PDGFC: variants seen among roughly 807,000 people sequenced by gnomAD.
The protein encoded by PDGFC is platelet derived growth factor C.
PDGFC carries 12 observed loss-of-function variants against 35.5 expected under a neutral mutation model. The ratio of observed to expected loss-of-function variants is 0.34; its 90% CI spans 0.22 to 0.55. The LOEUF (loss-of-function observed/expected upper bound fraction) is 0.55. Ranked by LOEUF, PDGFC falls within the 20% of genes least tolerant of loss-of-function variation. The pLI is 0.91. For synonymous variants in PDGFC, 159 were observed against 148.8 expected (o/e 1.07, Z -0.50); for missense variants, 322 against 412.4 (o/e 0.78, Z 1.90).
chr4:156,930,191 C>T (rs2110873349), intron 1 of PDGFC, among the ~76,000 whole-genome samples: 1 of 152,220 alleles, frequency 6.6e-6, no homozygotes, highest in South Asian at 2.1e-4. Context: ...GATTTTTGTT[C>T]AAAAGTAGAT....
intron 1 of PDGFC, among the ~76,000 whole-genome samples, chr4:156,928,364 T>A (rs2110867308): frequency 6.6e-6 from 1 of 152,298 alleles, no homozygotes; most frequent in Non-Finnish European, 1.5e-5. Flanking sequence ...TAGCTGGAAC[T>A]GCAGCTCTAC....
chr4:156,766,430 C>T (rs577730200), intron 5 of PDGFC, among the ~76,000 whole-genome samples: 3 of 152,186 alleles, frequency 2.0e-5, no homozygotes, highest in East Asian at 3.9e-4. Flanking sequence ...CATTATCATG[C>T]TTCAGTATCT....
intron 1 of PDGFC, among the ~76,000 whole-genome samples, chr4:156,858,539 A>T (rs1334012013): frequency 1.3e-5 from 2 of 152,064 alleles, no homozygotes; most frequent in Admixed American, 6.6e-5. Flanking sequence ...TTGTACATTA[A>T]AGAGACCAAA....
chr4:156,918,607 C>A (rs188303347), intron 1 of PDGFC, among the ~76,000 whole-genome samples: 2 of 152,212 alleles, frequency 1.3e-5, no homozygotes, highest in East Asian at 3.9e-4. Flanking sequence ...GGAACACGGA[C>A]CCTATTGTAA....
intron 1 of PDGFC, among the ~76,000 whole-genome samples, chr4:156,936,201 T>C (rs115132031): frequency 2.1e-4 from 32 of 152,310 alleles, no homozygotes; most frequent in Non-Finnish European, 3.7e-4. Context: ...AACGTCGTAA[T>C]AGAATGAGTT....
chr4:156,829,516 C>G (rs1184740909), intron 2 of PDGFC, among the ~76,000 whole-genome samples: 1 of 152,074 alleles, frequency 6.6e-6, no homozygotes. Flanking sequence ...TTCTTTTTCT[C>G]ACTTTAAAAT....
chr4:156,875,902 G>A (rs143596043), intron 1 of PDGFC, among the ~76,000 whole-genome samples: 62 of 152,156 alleles, frequency 4.1e-4, no homozygotes. Context: ...AAGTGATTTC[G>A]CACAGAAAAC....
chr4:156,837,715 A>G (rs1205709703), intron 2 of PDGFC, among the ~76,000 whole-genome samples: 1 of 152,188 alleles, frequency 6.6e-6, no homozygotes, highest in Non-Finnish European at 1.5e-5. Flanking sequence ...CTAGAGAAAG[A>G]AAGCTAGAGA....
At chr4:156,871,737 A>C (rs1425865926) in intron 1 of PDGFC, among the ~76,000 whole-genome samples, 2 of 152,120 alleles carry the variant, frequency 1.3e-5, no homozygotes, top group Non-Finnish European at 2.9e-5. Flanking sequence ...CTATTTTAAA[A>C]ACATTATTCC....
intron 2 of PDGFC, among the ~76,000 whole-genome samples, chr4:156,847,504 C>T (rs80218134): frequency 0.06 from 9,042 of 151,768 alleles, 895 homozygotes; most frequent in African/African-American, 0.21. Context: ...AGGTGACTAA[C>T]GAGACATTAC....
intron 1 of PDGFC, among the ~76,000 whole-genome samples, chr4:156,908,389 G>C (rs1730966568): frequency 6.6e-6 from 1 of 151,538 alleles, no homozygotes; most frequent in African/African-American, 2.4e-5. Flanking sequence ...GCTCATTTGT[G>C]TAAATAAATA....
intron 1 of PDGFC, among the ~76,000 whole-genome samples, chr4:156,929,580 A>C (rs565938525): frequency 3.3e-5 from 5 of 152,168 alleles, no homozygotes; most frequent in Non-Finnish European, 5.9e-5. Context: ...TCCGGAATAT[A>C]CCAAAACACA....
chr4:156,951,394 A>AT (rs991538780), intron 1 of PDGFC, among the ~76,000 whole-genome samples: 6 of 151,726 alleles, frequency 4.0e-5, no homozygotes, highest in African/African-American at 1.5e-4. Flanking sequence ...GCCAGGATCA[A>AT]TTTTTTTAAT....
At chr4:156,942,675 T>C (rs531009413) in intron 1 of PDGFC, among the ~76,000 whole-genome samples, 10 of 148,704 alleles carry the variant, frequency 6.7e-5, no homozygotes, top group African/African-American at 9.8e-5. Flanking sequence ...GGAATAGATG[T>C]ATATAATATA....
At chr4:156,949,042 A>G (rs1732015762) in intron 1 of PDGFC, among the ~76,000 whole-genome samples, 1 of 151,880 alleles carries the variant, frequency 6.6e-6, no homozygotes, top group African/African-American at 2.4e-5. Flanking sequence ...AGCGCAGGAG[A>G]GTGGAAGCCC....
intron 3 of PDGFC, among the ~76,000 whole-genome samples, chr4:156,800,812 A>G (rs1731583895): frequency 6.6e-6 from 1 of 152,226 alleles, no homozygotes; most frequent in African/African-American, 2.4e-5. Flanking sequence ...ATCAACCCTC[A>G]TCTTGCCTTT....
In PDGFC at chr4:156,925,739, T is replaced by C. The variant is rs898653304; in HGVS notation, c.118+45047A>G. ...CTGTAGTGTCCTAGAGGCAGTATTA[T>C]TCTAAAAAAAAAAAAAAGAGAGAGA... On this transcript the variant is annotated intron_variant, in intron 1 of 5. Coordinates refer to ENST00000502773, the MANE Select transcript of PDGFC (RefSeq NM_016205.3). Among the ~76,000 whole-genome samples the C allele has an allele frequency of 3.7e-5, 5 of 133,992 alleles. No individual in the cohort carries two copies. The Admixed American group carries it at 4.0e-4, about 11-fold the overall frequency. The allele number at this position is 133,992 out of a possible 152,430, so 87.9% of individuals were successfully genotyped here.
At chr4:156,763,346 T>C in intron 5 of PDGFC, 140 bp from the exon 6 acceptor site, 1 of 404,396 alleles carries the variant, frequency 2.5e-6, no homozygotes, top group Non-Finnish European at 4.3e-6. Context: ...GCACGCATTA[T>C]GAAAACACTC....
chr4:156,780,797 C>T (rs1482572018), intron 3 of PDGFC, among the ~76,000 whole-genome samples: 1 of 152,006 alleles, frequency 6.6e-6, no homozygotes, highest in Non-Finnish European at 1.5e-5. Context: ...AGAATGTATG[C>T]AAAGGTCAGC....
Sources: allele counts gnomAD v4.1 joint callset (sites outside exome capture counted in the v4.1 genomes callset), GRCh38; gene constraint gnomAD v4.1.1; transcripts MANE v1.5; gene names NCBI Gene and HGNC (gene_info 2026-07-23, HGNC 2026-07-21).